The following PCDHAC1 variants were observed in gnomAD, a reference collection of about 807,000 sequenced individuals.
The protein encoded by PCDHAC1 is protocadherin alpha-C1.
PCDHAC1 carries 42 observed loss-of-function variants against 60.0 expected under a neutral mutation model. The ratio of observed to expected loss-of-function variants is 0.70; its 90% CI spans 0.55 to 0.90. The LOEUF is 0.90. PCDHAC1 is among the 40% of genes least tolerant of loss of function. The pLI, the probability that PCDHAC1 is intolerant of heterozygous loss-of-function variation, is 0.00. For missense variants in PCDHAC1, 1,160 were observed against 1,222.3 expected (o/e 0.95, Z 0.76); for synonymous variants, 468 against 499.3 (o/e 0.94, Z 0.84).
intron 3 of PCDHAC1, among the ~76,000 whole-genome samples, chr5:141,008,010 T>C (rs2098356270): frequency 6.6e-6 from 1 of 152,214 alleles, no homozygotes; most frequent in African/African-American, 2.4e-5. Context: ...TAAACTTCTG[T>C]TTCCTTTTTT....
At chr5:140,954,520 A>G (rs1554221455) in intron 1 of PCDHAC1, among the ~76,000 whole-genome samples, 1 of 152,192 alleles carries the variant, frequency 6.6e-6, no homozygotes, top group Admixed American at 6.6e-5. Context: ...CCTAATGATC[A>G]GTGATGTTGA....
At chr5:140,949,371 C>G (rs932971788) in intron 1 of PCDHAC1, among the ~76,000 whole-genome samples, 1 of 151,712 alleles carries the variant, frequency 6.6e-6, no homozygotes, top group African/African-American at 2.4e-5. Flanking sequence ...GTCTAGTTGT[C>G]CTATCAATTG....
intron 3 of PCDHAC1, among the ~76,000 whole-genome samples, chr5:141,003,540 T>C (rs2098129225): frequency 6.6e-6 from 1 of 152,188 alleles, no homozygotes; most frequent in Non-Finnish European, 1.5e-5. Flanking sequence ...CTTGAACTCC[T>C]GGCTTCAAGT....
intron 1 of PCDHAC1, among the ~76,000 whole-genome samples, chr5:140,933,279 C>T (rs992723234): frequency 6.6e-6 from 1 of 151,840 alleles, no homozygotes; most frequent in African/African-American, 2.4e-5. Flanking sequence ...TCATTTGGAA[C>T]TTGTTTTGGA....
intron 1 of PCDHAC1, among the ~76,000 whole-genome samples, chr5:140,950,804 A>G (rs1360919239): frequency 6.6e-6 from 1 of 152,090 alleles, no homozygotes; most frequent in African/African-American, 2.4e-5. Context: ...GTCTGGTTTT[A>G]CCATAGTAGG....
chr5:140,988,247 TC>T (rs2097289620), intron 3 of PCDHAC1, among the ~76,000 whole-genome samples: 1 of 152,148 alleles, frequency 6.6e-6, no homozygotes, highest in Admixed American at 6.5e-5. Context: ...GTGGGGCAGC[TC>T]CCGCCTGTGA....
intron 3 of PCDHAC1, among the ~76,000 whole-genome samples, chr5:140,996,923 A>G (rs1385919756): frequency 6.6e-6 from 1 of 152,230 alleles, no homozygotes; most frequent in Non-Finnish European, 1.5e-5. Flanking sequence ...ATATTAAAAA[A>G]TATAGCATTT....
intron 1 of PCDHAC1, among the ~76,000 whole-genome samples, chr5:140,931,584 AAC>A (rs1355868674): frequency 1.3e-5 from 2 of 152,054 alleles, no homozygotes; most frequent in Admixed American, 1.3e-4. Flanking sequence ...CATTCAGTTG[AAC>A]AGTCTTTTTC....
chr5:140,968,405 G>C (rs2096244938), intron 1 of PCDHAC1: 7 of 1,614,002 alleles, frequency 4.3e-6, no homozygotes, highest in Non-Finnish European at 5.9e-6. Flanking sequence ...GGAGTTCTTT[G>C]TGACTGTGGA....
intron 1 of PCDHAC1, among the ~76,000 whole-genome samples, chr5:140,970,696 C>T (rs2096425637): frequency 6.6e-6 from 1 of 152,144 alleles, no homozygotes; most frequent in Admixed American, 6.5e-5. Flanking sequence ...GCTTTTAGAG[C>T]TACTACACAA....
At position 140,968,115 on chromosome 5, in the gene PCDHAC1, C is replaced by T. The variant is rs199565711; in HGVS notation, c.2434-10834C>T. On this transcript the variant is annotated intron_variant, in intron 1 of 3. Coordinates refer to ENST00000253807, the MANE Select transcript of PCDHAC1 (RefSeq NM_018898.5). ...ACAGATGGGGGAATACCGCAGCTCACATCCCTGCGTACACTGAAGGTTGAG... is the reference window on the plus strand; with the variant it reads ...ACAGATGGGGGAATACCGCAGCTCATATCCCTGCGTACACTGAAGGTTGAG... 8.7e-6 allele frequency: 14 copies of T among 1,614,068 alleles called. No individual in the cohort carries two copies. In the Admixed American group the frequency reaches 1.2e-4, roughly 13 times the overall value.
In PCDHAC1 at chr5:140,926,303, C is replaced by G. The variant is rs1248613470; in HGVS notation, c.-590C>G. ...AGCTCCACGCTGAGTCCCGCCCTCT[C>G]CGCCGGAGAGGTGCGCCGGGGTCAG... On this transcript the variant is annotated 5_prime_UTR_variant, in exon 1 of 4. Coordinates refer to ENST00000253807, the MANE Select transcript of PCDHAC1 (RefSeq NM_018898.5). 6.6e-6 allele frequency: 1 copy of G among 152,328 alleles called. No homozygotes were observed. Among genetic ancestry groups the G allele is most frequent in the African/African-American group, 2.4e-5 (1 of 41,466 alleles). The allele number at this position is 152,328 out of a possible 1,614,324, so 9.4% of individuals were successfully genotyped here.
chr5:140,995,113 A>G (rs560699104), intron 3 of PCDHAC1, among the ~76,000 whole-genome samples: 68 of 152,252 alleles, frequency 4.5e-4, no homozygotes, highest in Non-Finnish European at 8.4e-4. Flanking sequence ...CAAGACCCTC[A>G]GTGGATGCCT....
rs1160767102 is a variant in PCDHAC1, at chr5:140,964,322, A to G, written c.2434-14627A>G. On this transcript the variant is annotated intron_variant, in intron 1 of 3. Coordinates refer to ENST00000253807, the MANE Select transcript of PCDHAC1 (RefSeq NM_018898.5). ...TACCTACAAGGCCTAAAACAGCATA[A>G]TGGACAACCTGGCAGGTGTCCTTGC... Among the ~76,000 whole-genome samples the G allele has an allele frequency of 2.0e-5, 3 of 152,346 alleles. No individual in the cohort carries two copies. The East Asian group carries it at 5.8e-4, about 29-fold the overall frequency.
At chr5:140,963,220 G>A (rs2095749091) in intron 1 of PCDHAC1, among the ~76,000 whole-genome samples, 2 of 152,122 alleles carry the variant, frequency 1.3e-5, no homozygotes, top group East Asian at 1.9e-4. Flanking sequence ...CGTGTTTAGA[G>A]TAGACACTGT....
rs1296238254 is a variant in PCDHAC1, at chr5:140,928,321, A to C, written c.1429A>C (p.Asn477His). Reference sequence around the variant, plus strand: ...TGCCCAGGACCCCGACCTGGGGAAGAATGGCCTTGTCTCTTATGAGCTGTT... The same window carrying C: ...TGCCCAGGACCCCGACCTGGGGAAGCATGGCCTTGTCTCTTATGAGCTGTT... ...VFAQDPDLGK[N>H]GLVSYELLDV... The change falls in exon 1 of 4, where the codon AAT becomes CAT. Residue 477 changes from asparagine (N) to histidine (H), a missense_variant. This residue lies in a region of PCDHAC1 where 1,113 missense variants were observed against 1,163.7 expected (regional missense o/e 0.96). Coordinates refer to ENST00000253807, the MANE Select transcript of PCDHAC1 (RefSeq NM_018898.5). The C allele has an allele frequency of 1.2e-6, 2 of 1,614,044 alleles. No individual in the cohort carries two copies. Among genetic ancestry groups the C allele is most frequent in the African/African-American group, 2.7e-5 (2 of 74,930 alleles).
At chr5:140,966,477 T>C in intron 1 of PCDHAC1, 1 of 432,754 alleles carries the variant, frequency 2.3e-6, no homozygotes, top group Non-Finnish European at 4.0e-6. Context: ...TTCTGTTTCC[T>C]TTTCCCTCCC....
chr5:140,968,083 G>A (rs1298667830), intron 1 of PCDHAC1: 1 of 1,614,006 alleles, frequency 6.2e-7, no homozygotes, highest in Non-Finnish European at 8.5e-7. Flanking sequence ...ACATCACGGT[G>A]ACAGCCACAG....
chr5:140,954,057 A>C (rs1554221238), intron 1 of PCDHAC1, among the ~76,000 whole-genome samples: 1 of 152,112 alleles, frequency 6.6e-6, no homozygotes, highest in Admixed American at 6.5e-5. Flanking sequence ...TTCCTGCATT[A>C]TTATGCTGAG....
Sources: allele counts gnomAD v4.1 joint callset (sites outside exome capture counted in the v4.1 genomes callset), GRCh38; gene constraint gnomAD v4.1.1; regional missense constraint gnomAD v4.1.1; transcripts MANE v1.5; gene names NCBI Gene and HGNC (gene_info 2026-07-23, HGNC 2026-07-21).